Variants in TMEM132E observed in about 807,000 individuals in gnomAD.
TMEM132E encodes the protein transmembrane protein 132E.
In TMEM132E, 49 loss-of-function variants were observed where a neutral mutation model predicts 78.5. That is an observed-to-expected ratio of 0.62 (90% confidence interval 0.50 to 0.79). The LOEUF (loss-of-function observed/expected upper bound fraction) is 0.79. TMEM132E is among the 30% of genes least tolerant of loss of function. The pLI is 0.00. For synonymous variants in TMEM132E, 715 were observed against 670.6 expected (o/e 1.07, Z -1.02); for missense variants, 1,403 against 1,470.9 (o/e 0.95, Z 0.75).
chr17:34,607,424 G>A (rs1200176111), intron 1 of TMEM132E, among the ~76,000 whole-genome samples: 1 of 152,110 alleles, frequency 6.6e-6, no homozygotes, highest in Non-Finnish European at 1.5e-5. Flanking sequence ...TCTTCCCAAA[G>A]GAAAATCCTG....
intron 5 of TMEM132E, among the ~76,000 whole-genome samples, 162 bp from the exon 6 acceptor site, chr17:34,632,542 G>T (rs555762077): frequency 6.6e-6 from 1 of 152,242 alleles, no homozygotes; most frequent in Non-Finnish European, 1.5e-5. Context: ...AGTGATAGAA[G>T]CCAGGACTCC....
chr17:34,627,722 C>G (rs1907206943), intron 2 of TMEM132E, among the ~76,000 whole-genome samples: 1 of 152,172 alleles, frequency 6.6e-6, no homozygotes, highest in Admixed American at 6.5e-5. Context: ...AATGCTTCCT[C>G]AGCCCCAGGC....
chr17:34,602,258 T>C (rs1375105793), intron 1 of TMEM132E, among the ~76,000 whole-genome samples: 1 of 152,226 alleles, frequency 6.6e-6, no homozygotes, highest in East Asian at 1.9e-4. Context: ...CTGGCTCTCA[T>C]GTCCCACTGC....
At chr17:34,634,592 G>T (rs567765488) in intron 6 of TMEM132E, among the ~76,000 whole-genome samples, 1 of 152,364 alleles carries the variant, frequency 6.6e-6, no homozygotes, top group Non-Finnish European at 1.5e-5. Flanking sequence ...ACAGGAGGTA[G>T]GGTCAAGAAT....
intron 1 of TMEM132E, among the ~76,000 whole-genome samples, chr17:34,595,693 A>G (rs371979014): frequency 1.3e-5 from 2 of 152,196 alleles, no homozygotes; most frequent in African/African-American, 2.4e-5. Context: ...AGCCAGGGTT[A>G]AGACCCGTGT....
intron 1 of TMEM132E, among the ~76,000 whole-genome samples, chr17:34,608,317 C>G (rs1034901123): frequency 6.6e-5 from 10 of 152,190 alleles, no homozygotes; most frequent in African/African-American, 2.2e-4. Flanking sequence ...TCTGCAGATG[C>G]ATTGGTGCTA....
intron 1 of TMEM132E, among the ~76,000 whole-genome samples, chr17:34,590,195 T>C (rs1905822041): frequency 6.6e-6 from 1 of 152,244 alleles, no homozygotes; most frequent in Non-Finnish European, 1.5e-5. Context: ...GTTATTTCAA[T>C]GGTCACTTAT....
rs187259737 is a variant in TMEM132E, at chr17:34,603,393, A to G, written c.67+22250A>G. ...TTACTGGTGGGGAAACTGAGGCGAG[A>G]TGGCTCCCCACAGCTAGCACCCTGT... On this transcript the variant is annotated intron_variant, in intron 1 of 8. Transcript: ENST00000631683. 1.4e-3 allele frequency among the ~76,000 whole-genome samples: 212 copies of G among 152,216 alleles called. 1 individual carries two copies. Among genetic ancestry groups the G allele is most frequent in the Middle Eastern group, 3.4e-3 (1 of 294 alleles).
chr17:34,636,322 C>T (rs1205318100), intron 8 of TMEM132E, 124 bp downstream of exon 8: 3 of 996,436 alleles, frequency 3.0e-6, no homozygotes, highest in Non-Finnish European at 4.0e-6. Flanking sequence ...GGATCTCTGC[C>T]CTCCATGCCC....
Position 34,628,617 on chromosome 17 carries a change from G to C in TMEM132E, c.1053G>C (p.Gln351His). 1.2e-6 allele frequency: 2 copies of C among 1,614,096 alleles called. No individual in the cohort carries two copies. The highest frequency in any genetic ancestry group is 1.7e-6 in the Non-Finnish European group (2 of 1,179,982). Residue 351 changes from glutamine to histidine, a missense_variant, in exon 3 of 9, where the codon CAG becomes CAC. Gln to His is a conservative substitution (Grantham distance 24). Transcript: ENST00000631683. ...TLLGTKSRSG[Q>H]WHVTSELLTG... ...TAGGTACCAAGTCACGGAGTGGCCA[G>C]TGGCATGTGACCTCGGAGCTGCTGA... is the stretch of plus-strand genomic sequence containing the variant.
Position 34,581,052 on chromosome 17 carries a change from G to A in TMEM132E, c.-25G>A. On this transcript the variant is annotated 5_prime_UTR_variant, in exon 1 of 9. Coordinates refer to ENST00000631683, the MANE Select transcript of TMEM132E (RefSeq NM_001304438.2). ...GTCGTCGTCGACTGTTGCTCTCTCG[G>A]ACCCCTCCCGCCCCCGCCTCGGCCA... 6.5e-7 allele frequency: 1 copy of A among 1,534,604 alleles called. No individual in the cohort carries two copies. Among genetic ancestry groups the A allele is most frequent in the African/African-American group, 1.4e-5 (1 of 70,720 alleles).
rs1907254893 is a variant in TMEM132E, at chr17:34,629,054, A to G, written c.1188A>G (p.Glu396=). The change falls in exon 4 of 9, where the codon GAA becomes GAG. Residue 396 remains glutamate (E), a synonymous_variant. Coordinates refer to ENST00000631683, the MANE Select transcript of TMEM132E (RefSeq NM_001304438.2). The part of the protein sequence containing the change: ...GPLEILQLDF[E]MENFTSQSVK... ...TGGAGATCTTGCAGCTGGACTTTGA[A>G]ATGGAGAACTTCACCAGCCAGTCAG... 25 of 1,591,686 alleles carry G rather than the reference A, an allele frequency of 1.6e-5. No homozygotes were observed. Among genetic ancestry groups the G allele is most frequent in the Non-Finnish European group, 2.1e-5 (25 of 1,165,748 alleles).
chr17:34,626,214 C>G lies in TMEM132E; in HGVS notation c.155C>G (p.Thr52Arg). Residue 52 changes from threonine (T) to arginine (R), a missense_variant, in exon 2 of 9, where the codon ACG (threonine) becomes AGG (arginine). Around this residue, in one of 3 missense-constraint regions of TMEM132E, gnomAD observed 511 missense variants for 499.0 expected, o/e 1.02. Coordinates refer to ENST00000631683, the MANE Select transcript of TMEM132E (RefSeq NM_001304438.2). ...CCAGTCAGCTACCGCCTGTCGCACA[C>G]GCGGCTGGCCTTCTTCCTGCGGGAG... ...VLPVSYRLSH[T>R]RLAFFLREAR... 1 of 1,579,172 alleles carries G rather than the reference C, an allele frequency of 6.3e-7. No individual in the cohort carries two copies. The highest frequency in any genetic ancestry group is 8.6e-7 in the Non-Finnish European group (1 of 1,163,052).
At position 34,621,261 on chromosome 17, in the gene TMEM132E, G is replaced by T. The variant is rs541847747; in HGVS notation, c.68-4866G>T. On this transcript the variant is annotated intron_variant, in intron 1 of 8. Transcript: ENST00000631683. Reference sequence around the variant, plus strand: ...TTTCTCACAGTTCTGGGGGCTGGAAGTCTGAGGTCAAGGTGTCAGCAGGAT... The same window carrying T: ...TTTCTCACAGTTCTGGGGGCTGGAATTCTGAGGTCAAGGTGTCAGCAGGAT... Among the ~76,000 whole-genome samples, 8 of 152,332 alleles carry T rather than the reference G, an allele frequency of 5.3e-5. No individual in the cohort carries two copies. In the South Asian group the frequency reaches 1.7e-3, roughly 32 times the overall value.
chr17:34,616,488 A>C (rs1197248927), intron 1 of TMEM132E, among the ~76,000 whole-genome samples: 2 of 152,186 alleles, frequency 1.3e-5, no homozygotes, highest in East Asian at 1.9e-4. Context: ...CCCCGGCTAC[A>C]TGTCCTTGCT....
At chr17:34,600,972 G>C (rs192369609) in intron 1 of TMEM132E, among the ~76,000 whole-genome samples, 1 of 152,220 alleles carries the variant, frequency 6.6e-6, no homozygotes, top group South Asian at 2.1e-4. Context: ...CTCTGGGAGA[G>C]AAGAAGGGCT....
At position 34,637,414 on chromosome 17, in the gene TMEM132E, G is replaced by T. The variant is rs904011802; in HGVS notation, c.2407G>T (p.Ala803Ser). ...GAAAACCAAACGCAAGAGTGTGCTC[G>T]CCACGACCCCTGTGGGCCTGCGGGT... ...CQKTKRKSVL[A>S]TTPVGLRVHF... The change falls in exon 9 of 9, where the codon GCC (alanine) becomes TCC (serine). Residue 803 changes from alanine (A) to serine (S), a missense_variant. By Grantham distance (99) the Ala-to-Ser change is moderately conservative. This residue lies in a region of TMEM132E where 888 missense variants were observed against 952.8 expected (regional missense o/e 0.93). Transcript: ENST00000631683. 5 of 1,613,620 alleles carry T rather than the reference G, an allele frequency of 3.1e-6. No individual in the cohort carries two copies. The highest frequency in any genetic ancestry group is 1.3e-5 in the African/African-American group (1 of 74,950).
At chr17:34,592,732 T>G (rs943247872) in intron 1 of TMEM132E, among the ~76,000 whole-genome samples, 2 of 152,328 alleles carry the variant, frequency 1.3e-5, no homozygotes, top group Non-Finnish European at 1.5e-5. Context: ...GCTCACTCAG[T>G]AAATGGTTGC....
chr17:34,613,193 ACACC>A lies in TMEM132E; in HGVS notation c.68-12930_68-12927del, dbSNP rs1204571724. On this transcript the variant is annotated intron_variant, in intron 1 of 8. Coordinates refer to ENST00000631683, the MANE Select transcript of TMEM132E (RefSeq NM_001304438.2). ...TCTCTCTACACACACACACACACAC[ACACC>A]CACACACACACACACGCGCGCGCGC... Among the ~76,000 whole-genome samples the A allele has an allele frequency of 2.5e-3, 290 of 115,884 alleles. 2 individuals are homozygous for A. The highest frequency in any genetic ancestry group is 6.6e-3 in the African/African-American group (234 of 35,248). 76.0% of individuals were successfully genotyped at this position (115,884 alleles called of 152,430 possible). A position where few individuals can be genotyped will look rare whatever the true frequency, so the allele number is the denominator to read the frequency against.
Sources: allele counts gnomAD v4.1 joint callset (sites outside exome capture counted in the v4.1 genomes callset), GRCh38; gene constraint gnomAD v4.1.1; regional missense constraint gnomAD v4.1.1; transcripts MANE v1.5; gene names NCBI Gene and HGNC (gene_info 2026-07-23, HGNC 2026-07-21).